DNASE2B: variants seen among roughly 807,000 people sequenced by gnomAD.
The protein encoded by DNASE2B is deoxyribonuclease-2-beta.
Under a neutral mutation model 46.0 loss-of-function variants are expected in DNASE2B, and 43 were observed. The observed-to-expected ratio is 0.94, with a 90% CI of 0.73 to 1.21. DNASE2B has a LOEUF of 1.21. Ranked by LOEUF, DNASE2B falls within the 50% of genes most tolerant of loss-of-function variation. The pLI, the probability that DNASE2B is intolerant of heterozygous loss-of-function variation, is 0.00. For synonymous variants in DNASE2B, 156 were observed against 152.5 expected (o/e 1.02, Z -0.17); for missense variants, 395 against 414.4 (o/e 0.95, Z 0.41).
chr1:84,407,423 C>G (rs979170347), intron 2 of DNASE2B, among the ~76,000 whole-genome samples: 1 of 151,914 alleles, frequency 6.6e-6, no homozygotes, highest in Admixed American at 6.6e-5. Flanking sequence ...CGGGGCATTC[C>G]TAAGCACAGT....
Position 84,414,671 on chromosome 1 carries a change from T to C in DNASE2B, c.889T>C (p.Ser297Pro), listed in dbSNP as rs771117957. 4 of 1,614,148 alleles carry C rather than the reference T, an allele frequency of 2.5e-6. No individual in the cohort carries two copies. Among genetic ancestry groups the C allele is most frequent in the Admixed American group, 3.3e-5 (2 of 60,016 alleles). ...NIKAIKLSRH[S>P]YFSSYQDHAK... Reference sequence around the variant, plus strand: ...AAAAGCAATTAAATTATCACGACACTCTTATTTCAGTTCTTATCAAGATCA... The same window carrying C: ...AAAAGCAATTAAATTATCACGACACCCTTATTTCAGTTCTTATCAAGATCA... The change falls in exon 6 of 6, where the codon TCT (serine) becomes CCT (proline). Residue 297 changes from serine to proline, a missense_variant. Transcript: ENST00000370665.
chr1:84,398,926 C>T (rs145079191), intron 1 of DNASE2B, among the ~76,000 whole-genome samples: 377 of 152,312 alleles, frequency 2.5e-3, no homozygotes, highest in Middle Eastern at 6.8e-3. Context: ...CTGTTCTCAG[C>T]GGGGCAAGGC....
chr1:84,408,408 GC>G, intron 2 of DNASE2B, 28 bp from the exon 3 acceptor site: 1 of 1,580,234 alleles, frequency 6.3e-7, no homozygotes, highest in Non-Finnish European at 8.6e-7. Flanking sequence ...GAAGATTTAC[GC>G]CATTATAACC....
chr1:84,401,836 T>C, intron 1 of DNASE2B, 65 bp from the exon 2 acceptor site: 1 of 1,251,120 alleles, frequency 8.0e-7, no homozygotes, highest in Non-Finnish European at 1.1e-6. Flanking sequence ...AAGTGTGTAA[T>C]ACAGTTACTG....
At chr1:84,412,809 C>T (rs1017486556) in intron 5 of DNASE2B, among the ~76,000 whole-genome samples, 1 of 151,882 alleles carries the variant, frequency 6.6e-6, no homozygotes, top group East Asian at 1.9e-4. Context: ...ATAGCCATCT[C>T]CATTTCTTCC....
chr1:84,409,150 G>A (rs961312067), intron 3 of DNASE2B, among the ~76,000 whole-genome samples: 1 of 151,848 alleles, frequency 6.6e-6, no homozygotes, highest in Non-Finnish European at 1.5e-5. Context: ...TAATCCTAAT[G>A]CCCATTAGAT....
At chr1:84,406,321 G>C (rs1680489735) in intron 2 of DNASE2B, among the ~76,000 whole-genome samples, 1 of 152,160 alleles carries the variant, frequency 6.6e-6, no homozygotes, top group Admixed American at 6.6e-5. Context: ...AAGAAGGAAA[G>C]AGCAACATTG....
At chr1:84,408,306 T>C in intron 2 of DNASE2B, 131 bp from the exon 3 acceptor site, 2 of 1,300,970 alleles carry the variant, frequency 1.5e-6, no homozygotes, top group Non-Finnish European at 2.0e-6. Flanking sequence ...AAGCTGCCTA[T>C]TAGGGGAATA....
Position 84,400,670 on chromosome 1 carries a change from C to T in DNASE2B, c.126-1231C>T, listed in dbSNP as rs534541135. Among the ~76,000 whole-genome samples the T allele has an allele frequency of 9.8e-5, 15 of 152,286 alleles. No homozygotes were observed. The East Asian group carries it at 1.9e-3, about 20-fold the overall frequency. On this transcript the variant is annotated intron_variant, in intron 1 of 5. Coordinates refer to ENST00000370665, the MANE Select transcript of DNASE2B (RefSeq NM_021233.3). ...GTACTAGCTCTCAACTGGTGTGCCA[C>T]GGCACACTGATAGTTCACAAACCCT...
Position 84,409,422 on chromosome 1 carries a change from T to C in DNASE2B, c.385+904T>C, listed in dbSNP as rs536067463. On this transcript the variant is annotated intron_variant, in intron 3 of 5. Transcript: ENST00000370665. ...TTCCAGGAGATGTTGAAAATTAATATTTGTGGAAAAACTCCCCAGTTTTTA... is the reference window on the plus strand; with the variant it reads ...TTCCAGGAGATGTTGAAAATTAATACTTGTGGAAAAACTCCCCAGTTTTTA... Among the ~76,000 whole-genome samples, 4 of 152,270 alleles carry C rather than the reference T, an allele frequency of 2.6e-5. No homozygotes were observed. In the Middle Eastern group the frequency reaches 0.01, roughly 388 times the overall value.
intron 5 of DNASE2B, among the ~76,000 whole-genome samples, chr1:84,412,953 A>G (rs942569270): frequency 7.1e-6 from 1 of 140,202 alleles, no homozygotes; most frequent in Non-Finnish European, 1.5e-5. Context: ...TCTATATGCT[A>G]CCCCCCCCCC....
rs12097510 is a variant in DNASE2B at position 84,406,114 on chromosome 1, A to C, written c.304-2323A>C. Among the ~76,000 whole-genome samples, 634 of 151,816 alleles carry C rather than the reference A, an allele frequency of 4.2e-3. 8 individuals are homozygous for C. Among genetic ancestry groups the C allele is most frequent in the African/African-American group, 0.015 (616 of 41,382 alleles). ...TCAAAAATCTCCCCCTAAATTTTCCAACATATGTTTTTAAAGGCCTGCATA... is the reference window on the plus strand; with the variant it reads ...TCAAAAATCTCCCCCTAAATTTTCCCACATATGTTTTTAAAGGCCTGCATA... On this transcript the variant is annotated intron_variant, in intron 2 of 5. Transcript: ENST00000370665.
chr1:84,406,175 CCGTA>C (rs1225285993), intron 2 of DNASE2B, among the ~76,000 whole-genome samples: 12 of 151,848 alleles, frequency 7.9e-5, no homozygotes, highest in African/African-American at 2.9e-4. Flanking sequence ...CAAGGGCCAA[CCGTA>C]TTATATAAAA....
At chr1:84,400,378 C>A (rs1039057315) in intron 1 of DNASE2B, among the ~76,000 whole-genome samples, 45 of 151,742 alleles carry the variant, frequency 3.0e-4, no homozygotes, top group African/African-American at 1.0e-3. Context: ...CAAAAAAAAA[C>A]AAAAAACAAA....
chr1:84,404,330 T>C (rs981620109), intron 2 of DNASE2B, among the ~76,000 whole-genome samples: 6 of 152,198 alleles, frequency 3.9e-5, no homozygotes, highest in African/African-American at 1.4e-4. Flanking sequence ...TTTCATGACT[T>C]TCTTGATTGA....
chr1:84,407,094 C>T (rs1026533387), intron 2 of DNASE2B, among the ~76,000 whole-genome samples: 4 of 152,174 alleles, frequency 2.6e-5, no homozygotes, highest in African/African-American at 9.6e-5. Flanking sequence ...CCTACATCTA[C>T]CTACTCTTAA....
chr1:84,412,305 T>C (rs1180616885), intron 4 of DNASE2B, 44 bp from the exon 5 acceptor site: 1 of 1,433,820 alleles, frequency 7.0e-7, no homozygotes, highest in Non-Finnish European at 9.3e-7. Flanking sequence ...GTATTTCCAT[T>C]TGTGTCTTAA....
chr1:84,410,649 A>G (rs1289027221), intron 3 of DNASE2B, among the ~76,000 whole-genome samples, 189 bp from the exon 4 acceptor site: 1 of 152,198 alleles, frequency 6.6e-6, no homozygotes, highest in East Asian at 1.9e-4. Flanking sequence ...TTTTATCAGT[A>G]ATCAGGCAAT....
intron 2 of DNASE2B, among the ~76,000 whole-genome samples, chr1:84,407,469 G>GA (rs1026508630): frequency 6.6e-6 from 1 of 151,360 alleles, no homozygotes; most frequent in Admixed American, 6.6e-5. Context: ...GTTGTGCATT[G>GA]AAAAAAAAAT....
Sources: gnomAD v4.1 joint callset for allele counts (sites outside exome capture counted in the v4.1 genomes callset) on GRCh38, gnomAD v4.1.1 for gene constraint, MANE v1.5 for transcripts, NCBI Gene and HGNC (gene_info 2026-07-23, HGNC 2026-07-21) for gene names.